MYO18A: variants seen among roughly 807,000 people sequenced by gnomAD.
MYO18A encodes unconventional myosin-XVIIIa.
MYO18A carries 78 observed loss-of-function variants against 235.8 expected under a neutral mutation model. The observed-to-expected ratio is 0.33, with a 90% CI of 0.28 to 0.40. The LOEUF (loss-of-function observed/expected upper bound fraction) is 0.40, where lower values mean the gene tolerates loss of function less well. Among genes scored for constraint, MYO18A ranks in the 10% least tolerant of loss-of-function variants. MYO18A has a pLI of 1.00. For synonymous variants in MYO18A, 977 were observed against 1,077.8 expected (o/e 0.91, Z 1.83); for missense variants, 2,215 against 2,699.3 (o/e 0.82, Z 3.98).
chr17:29,098,521 G>C (rs1222830959), intron 23 of MYO18A, 76 bp from the exon 24 acceptor site: 1 of 1,533,400 alleles, frequency 6.5e-7, no homozygotes. Context: ...CACCCCTGTA[G>C]TGAACGAAGC....
intron 2 of MYO18A, among the ~76,000 whole-genome samples, chr17:29,148,451 C>T (rs1012252941): frequency 8.5e-5 from 13 of 152,210 alleles, no homozygotes; most frequent in African/African-American, 3.1e-4. Context: ...GGCAGGTGCA[C>T]TTCCAGGATG....
intron 2 of MYO18A, chr17:29,137,171 T>G (rs950909111): frequency 6.6e-6 from 1 of 152,224 alleles, no homozygotes; most frequent in African/African-American, 2.4e-5. Context: ...GAATGTATCT[T>G]GGGGAGCTGT....
rs576735776 is a variant in MYO18A at position 29,166,047 on chromosome 17, C to G, written c.894G>C (p.Gln298His). Residue 298 changes from glutamine (Q) to histidine (H), a missense_variant, in exon 2 of 42, where the codon CAG becomes CAC. By Grantham distance (24) the Gln-to-His change is conservative. Coordinates refer to ENST00000527372, the MANE Select transcript of MYO18A (RefSeq NM_078471.4). ...SRDEIVEMIRQSGDSVRLKVQ... is the reference protein window; with the variant it reads ...SRDEIVEMIRHSGDSVRLKVQ... ...CCTTGAGCCGCACGCTGTCCCCTGA[C>G]TGCCGGATCATCTCCACAATCTCAT... The G allele has an allele frequency of 6.2e-7, 1 of 1,613,770 alleles. No homozygotes were observed. Among genetic ancestry groups the G allele is most frequent in the South Asian group, 1.1e-5 (1 of 91,090 alleles).
intron 41 of MYO18A, chr17:29,075,623 C>T (rs570531382): frequency 6.0e-6 from 1 of 166,728 alleles, no homozygotes; most frequent in South Asian, 2.1e-4. Context: ...CTGGAGGCCT[C>T]CAGCTATCCC....
In MYO18A at chr17:29,073,625, G is replaced by A; in HGVS notation, c.*1145C>T. ...GAGAGAAGGGGGGCGGCAGATGGGA[G>A]CAGCACCAGGCACTGCACTTGGGCT... On this transcript the variant is annotated 3_prime_UTR_variant, in exon 42 of 42. Coordinates refer to ENST00000527372, the MANE Select transcript of MYO18A (RefSeq NM_078471.4). The A allele has an allele frequency of 2.0e-6, 1 of 505,850 alleles. No individual in the cohort carries two copies. The highest frequency in any genetic ancestry group is 3.5e-6 in the Non-Finnish European group (1 of 286,106). 31.3% of individuals were successfully genotyped at this position (505,850 alleles called of 1,614,324 possible). A position where few individuals can be genotyped will look rare whatever the true frequency, so the allele number is the denominator to read the frequency against.
intron 21 of MYO18A, among the ~76,000 whole-genome samples, chr17:29,101,454 C>T (rs566826321): frequency 9.2e-5 from 14 of 152,192 alleles, no homozygotes; most frequent in South Asian, 4.1e-4. Flanking sequence ...TACAGGTGCC[C>T]GTCACCATGC....
chr17:29,122,282 C>T, intron 2 of MYO18A, 29 bp from the exon 3 acceptor site: 1 of 1,588,728 alleles, frequency 6.3e-7, no homozygotes, highest in Non-Finnish European at 8.6e-7. Context: ...AATAAACAGG[C>T]CCTGCTATGG....
At chr17:29,141,437 GA>G (rs56208330) in intron 2 of MYO18A, among the ~76,000 whole-genome samples, 62,309 of 142,360 alleles carry the variant, frequency 0.44, 14,383 homozygotes, top group African/African-American at 0.63. Context: ...TCCTCTTTAG[GA>G]AAAAAAAAAA....
At chr17:29,141,124 C>T (rs942368909) in intron 2 of MYO18A, among the ~76,000 whole-genome samples, 2 of 152,244 alleles carry the variant, frequency 1.3e-5, no homozygotes, top group East Asian at 1.9e-4. Context: ...CCTCCACAGA[C>T]GCCAGGGACT....
intron 1 of MYO18A, among the ~76,000 whole-genome samples, chr17:29,170,163 A>C (rs777119681): frequency 1.3e-5 from 2 of 152,188 alleles, no homozygotes; most frequent in Non-Finnish European, 2.9e-5. Context: ...CTGTGGACAC[A>C]GGTTAAGTTA....
chr17:29,088,052 C>CTTTT (rs1040172315), intron 37 of MYO18A, among the ~76,000 whole-genome samples: 14 of 124,646 alleles, frequency 1.1e-4, no homozygotes, highest in East Asian at 2.3e-4. Context: ...AAAATAAATT[C>CTTTT]TTTTTTTTTT....
In MYO18A at chr17:29,073,840, G is replaced by T; in HGVS notation, c.*930C>A. The T allele has an allele frequency of 6.4e-7, 1 of 1,572,942 alleles. No individual in the cohort carries two copies. The highest frequency in any genetic ancestry group is 1.2e-5 in the South Asian group (1 of 86,728). On this transcript the variant is annotated 3_prime_UTR_variant, in exon 42 of 42. Coordinates refer to ENST00000527372, the MANE Select transcript of MYO18A (RefSeq NM_078471.4). ...CAAAACTTCCATCTTCAGTTTTTCT[G>T]ATCACAAGTCCTCAACCCCAAGCCT... is the stretch of plus-strand genomic sequence containing the variant.
chr17:29,092,360 C>T lies in MYO18A; in HGVS notation c.5170G>A (p.Ala1724Thr), dbSNP rs772860716. ...CCCCTCACCGCTGTCTTGGCTTTGG[C>T]GATGTCATCAATCTGCAGGTGCAGG... ...EDLHLQIDDI[A>T]KAKTALEEQL... Residue 1724 changes from alanine to threonine, a missense_variant, in exon 34 of 42, where the codon GCC (alanine) becomes ACC (threonine). By Grantham distance (58) the Ala-to-Thr change is moderately conservative. Coordinates refer to ENST00000527372, the MANE Select transcript of MYO18A (RefSeq NM_078471.4). 2.4e-5 allele frequency: 38 copies of T among 1,610,490 alleles called. No homozygotes were observed. Among genetic ancestry groups the T allele is most frequent in the East Asian group, 4.5e-5 (2 of 44,896 alleles).
intron 30 of MYO18A, 107 bp from the exon 31 acceptor site, chr17:29,094,197 C>T (rs2066467626): frequency 1.3e-6 from 1 of 767,128 alleles, no homozygotes; most frequent in Admixed American, 2.4e-5. Context: ...CGTCCACCAG[C>T]CAGTTCCCTT....
chr17:29,116,349 G>C (rs1288711350), intron 11 of MYO18A, 95 bp downstream of exon 11: 23 of 1,507,458 alleles, frequency 1.5e-5, no homozygotes, highest in Non-Finnish European at 2.1e-5. Context: ...AAAAGCCACA[G>C]GGGAAAGGGA....
intron 30 of MYO18A, 82 bp from the exon 31 acceptor site, chr17:29,094,172 C>T: frequency 2.0e-6 from 2 of 1,011,148 alleles, no homozygotes; most frequent in Non-Finnish European, 3.0e-6. Context: ...TCTCCCTAGG[C>T]TCAGGGGCCG....
chr17:29,161,155 G>A (rs1223531200), intron 2 of MYO18A, among the ~76,000 whole-genome samples: 1 of 152,152 alleles, frequency 6.6e-6, no homozygotes, highest in Non-Finnish European at 1.5e-5. Flanking sequence ...AGGAGTTCGA[G>A]ACCAGCCTGA....
rs1389283003 is a variant in MYO18A at position 29,109,321 on chromosome 17, G to A, written c.3331+537C>T. 6.6e-6 allele frequency among the ~76,000 whole-genome samples: 1 copy of A among 152,088 alleles called. No homozygotes were observed. The highest frequency in any genetic ancestry group is 2.4e-5 in the African/African-American group (1 of 41,402). On this transcript the variant is annotated intron_variant, in intron 19 of 41. Coordinates refer to ENST00000527372, the MANE Select transcript of MYO18A (RefSeq NM_078471.4). The surrounding 1 kb of genome is among the most constrained non-coding windows in gnomAD (Gnocchi z 4.1). ...TCTCCTCATCTGGAATGATACCAGTGTGCTATCCCGGCCCCCAGCCACCGA... is the reference window on the plus strand; with the variant it reads ...TCTCCTCATCTGGAATGATACCAGTATGCTATCCCGGCCCCCAGCCACCGA...
intron 21 of MYO18A, among the ~76,000 whole-genome samples, chr17:29,100,582 TG>T (rs1488526696): frequency 2.0e-5 from 3 of 152,064 alleles, no homozygotes; most frequent in African/African-American, 7.2e-5. Context: ...CGGTAAAATT[TG>T]CCACACGCCA....
Sources: gnomAD v4.1 joint callset for allele counts (sites outside exome capture counted in the v4.1 genomes callset) on GRCh38, gnomAD v4.1.1 for gene constraint, Gnocchi (gnomAD v3.1) non-coding constraint, MANE v1.5 for transcripts, NCBI Gene and HGNC (gene_info 2026-07-23, HGNC 2026-07-21) for gene names.